GJB7: variants seen among roughly 807,000 people sequenced by gnomAD.
GJB7 encodes gap junction protein beta 7.
For missense variants in GJB7, 253 were observed against 256.8 expected (o/e 0.99, Z 0.10); for synonymous variants, 87 against 95.2 (o/e 0.91, Z 0.50).
rs1775999834 is a variant in GJB7, at chr6:87,283,035, A to G, written c.*1206T>C. On this transcript the variant is annotated 3_prime_UTR_variant, in exon 3 of 3. Coordinates refer to ENST00000525899, the MANE Select transcript of GJB7 (RefSeq NM_198568.3). The stretch of plus-strand genomic sequence containing the variant: ...AGAAATGTACATATGTTAAAGTACT[A>G]AATCCAAAGAGAACATATCTGTGAA... The G allele has an allele frequency of 6.6e-6, 1 of 152,220 alleles. No individual in the cohort carries two copies. The highest frequency in any genetic ancestry group is 2.4e-5 in the African/African-American group (1 of 41,462). The allele number at this position is 152,220 out of a possible 1,614,324, so 9.4% of individuals were successfully genotyped here. A position where few individuals can be genotyped will look rare whatever the true frequency, so the allele number is the denominator to read the frequency against.
intron 2 of GJB7, among the ~76,000 whole-genome samples, chr6:87,314,976 T>C (rs921699551): frequency 6.6e-6 from 1 of 152,186 alleles, no homozygotes; most frequent in Admixed American, 6.5e-5. Flanking sequence ...GAATCTCTCT[T>C]GTGCACTCAG....
At chr6:87,295,301 C>A (rs1776234198) in intron 2 of GJB7, among the ~76,000 whole-genome samples, 1 of 152,088 alleles carries the variant, frequency 6.6e-6, no homozygotes, top group Non-Finnish European at 1.5e-5. Context: ...TGGCAATTCT[C>A]AGTTATACCA....
At chr6:87,301,260 C>G (rs943077427) in intron 2 of GJB7, among the ~76,000 whole-genome samples, 1 of 152,174 alleles carries the variant, frequency 6.6e-6, no homozygotes, top group Non-Finnish European at 1.5e-5. Flanking sequence ...CACAAGGGGT[C>G]AGGGAATTCC....
intron 2 of GJB7, among the ~76,000 whole-genome samples, chr6:87,310,372 G>C (rs1337718830): frequency 6.6e-6 from 1 of 152,116 alleles, no homozygotes. Flanking sequence ...TTGTTAATCA[G>C]AAGACACCAT....
chr6:87,309,138 G>A (rs138668756), intron 2 of GJB7, among the ~76,000 whole-genome samples: 4 of 152,306 alleles, frequency 2.6e-5, no homozygotes, highest in East Asian at 3.9e-4. Context: ...GACACACGTT[G>A]TTGCTGTCAC....
At chr6:87,305,956 G>A (rs950419511) in intron 2 of GJB7, among the ~76,000 whole-genome samples, 1 of 151,976 alleles carries the variant, frequency 6.6e-6, no homozygotes, top group African/African-American at 2.4e-5. Context: ...AATGGTGCTG[G>A]GAAAACTGGC....
chr6:87,299,008 T>C (rs1776284181), intron 2 of GJB7: 1 of 484,202 alleles, frequency 2.1e-6, no homozygotes, highest in African/African-American at 2.0e-5. Flanking sequence ...CAAAGTCAAT[T>C]GATGTAAAGG....
At position 87,302,033 on chromosome 6, in the gene GJB7, CA is replaced by C. The variant is rs574763269; in HGVS notation, c.-27-17095del. On this transcript the variant is annotated intron_variant, in intron 2 of 2. Transcript: ENST00000525899. ...CCACACCAAAACCCCATCTGTACGT[CA>C]AAATCATCAAAGACCAAAGGTAGAT... Among the ~76,000 whole-genome samples, 15 of 152,262 alleles carry C rather than the reference CA, an allele frequency of 9.9e-5. No individual in the cohort carries two copies. The East Asian group carries it at 2.7e-3, about 27-fold the overall frequency.
intron 2 of GJB7, among the ~76,000 whole-genome samples, chr6:87,317,963 A>G (rs1364508632): frequency 6.6e-6 from 1 of 152,150 alleles, no homozygotes. Context: ...TAAATAATAT[A>G]GAATAAATTA....
chr6:87,328,934 G>T (rs967653639), intron 1 of GJB7, among the ~76,000 whole-genome samples: 4 of 152,242 alleles, frequency 2.6e-5, no homozygotes, highest in African/African-American at 9.6e-5. Flanking sequence ...TCCGAACCAC[G>T]TGCGGGATAT....
intron 1 of GJB7, among the ~76,000 whole-genome samples, chr6:87,323,364 G>A (rs544569531): frequency 1.3e-5 from 2 of 152,040 alleles, no homozygotes; most frequent in South Asian, 4.2e-4. Context: ...ATGCTGGTGC[G>A]ATGCACCCAC....
At chr6:87,294,118 A>T (rs1250351466) in intron 2 of GJB7, among the ~76,000 whole-genome samples, 1 of 152,222 alleles carries the variant, frequency 6.6e-6, no homozygotes, top group Non-Finnish European at 1.5e-5. Flanking sequence ...AAATAACACC[A>T]TATTGAAGTC....
chr6:87,329,039 C>T (rs1776921167), intron 1 of GJB7, 99 bp downstream of exon 1: 1 of 152,964 alleles, frequency 6.5e-6, no homozygotes, highest in Non-Finnish European at 1.5e-5. Flanking sequence ...TCACCCTTTT[C>T]TTTGACTAGG....
Position 87,306,184 on chromosome 6 carries a change from C to A in GJB7, c.-28+16682G>T, listed in dbSNP as rs372707847. Among the ~76,000 whole-genome samples the A allele has an allele frequency of 4.2e-3, 637 of 151,530 alleles. 2 individuals are homozygous for A. Among genetic ancestry groups the A allele is most frequent in the African/African-American group, 0.014 (589 of 41,334 alleles). On this transcript the variant is annotated intron_variant, in intron 2 of 2. Coordinates refer to ENST00000525899, the MANE Select transcript of GJB7 (RefSeq NM_198568.3). Reference sequence around the variant, plus strand: ...AAGCCAAAATTGACAAATGGGATCTCATTAAACTAAAGAGCTTCTGCACAG... The same window carrying A: ...AAGCCAAAATTGACAAATGGGATCTAATTAAACTAAAGAGCTTCTGCACAG...
chr6:87,284,514 A>T lies in GJB7; in HGVS notation c.399T>A (p.Gly133=). 6.2e-7 allele frequency: 1 copy of T among 1,614,140 alleles called. No individual in the cohort carries two copies. The highest frequency in any genetic ancestry group is 8.5e-7 in the Non-Finnish European group (1 of 1,180,024). ...AYLISLIVKT[G]FEIGFLVLFY... is the part of the protein sequence containing the mutation. ...ATAAAACAAGGAAGCCAATTTCAAA[A>T]CCAGTTTTAACAATGAGGCTGATAA... The change falls in exon 3 of 3, where the codon GGT becomes GGA. Residue 133 remains glycine, a synonymous_variant. Transcript: ENST00000525899.
chr6:87,300,129 T>A, intron 2 of GJB7: 1 of 275,238 alleles, frequency 3.6e-6, no homozygotes. Flanking sequence ...CTCCAGCTAA[T>A]GAAGATTTAA....
intron 2 of GJB7, among the ~76,000 whole-genome samples, chr6:87,285,385 A>G (rs557224923): frequency 2.6e-5 from 4 of 152,258 alleles, no homozygotes; most frequent in African/African-American, 9.6e-5. Flanking sequence ...TAATTCGTTA[A>G]TGCCCTTCCC....
chr6:87,327,088 A>C (rs1396197383), intron 1 of GJB7, among the ~76,000 whole-genome samples: 1 of 150,260 alleles, frequency 6.7e-6, no homozygotes, highest in Non-Finnish European at 1.5e-5. Context: ...TAGGATTGCA[A>C]CCCCTGCTTT....
rs138862151 is a variant in GJB7 at position 87,308,093 on chromosome 6, G to A, written c.-28+14773C>T. 6.4e-3 allele frequency among the ~76,000 whole-genome samples: 967 copies of A among 152,198 alleles called. 16 individuals carry two copies. Among genetic ancestry groups the A allele is most frequent in the African/African-American group, 0.022 (931 of 41,526 alleles). On this transcript the variant is annotated intron_variant, in intron 2 of 2. Transcript: ENST00000525899. Reference sequence around the variant, plus strand: ...CCTTTGTAGGGACATGGATGAAGCTGGAAACCATCATTCTCAGCAAACTAT... The same window carrying A: ...CCTTTGTAGGGACATGGATGAAGCTAGAAACCATCATTCTCAGCAAACTAT...
Sources: allele counts gnomAD v4.1 joint callset (sites outside exome capture counted in the v4.1 genomes callset), GRCh38; gene constraint gnomAD v4.1.1; transcripts MANE v1.5; gene names NCBI Gene and HGNC (gene_info 2026-07-23, HGNC 2026-07-21).